The following GLIS3 variants were observed in gnomAD, a reference collection of about 807,000 sequenced individuals.
GLIS3 encodes the protein zinc finger protein GLIS3.
In GLIS3, 53 loss-of-function variants were observed where a neutral mutation model predicts 78.6. The observed-to-expected ratio is 0.67, with a 90% CI of 0.54 to 0.85. The LOEUF is 0.85. Ranked by LOEUF, GLIS3 falls within the 40% of genes least tolerant of loss-of-function variation. GLIS3 has a pLI of 0.00. For synonymous variants in GLIS3, 684 were observed against 509.9 expected (o/e 1.34, Z -4.60); for missense variants, 1,703 against 1,231.1 (o/e 1.38, Z -5.74).
At chr9:4,052,453 G>GA (rs984844337) in intron 4 of GLIS3, among the ~76,000 whole-genome samples, 1 of 152,006 alleles carries the variant, frequency 6.6e-6, no homozygotes, top group African/African-American at 2.4e-5. Flanking sequence ...TCATTACCCT[G>GA]AAAGAAAGCC....
chr9:4,279,379 A>G lies in GLIS3; in HGVS notation c.388+6659T>C, dbSNP rs184480915. 3.4e-5 allele frequency among the ~76,000 whole-genome samples: 5 copies of G among 146,074 alleles called. No homozygotes were observed. The East Asian group carries it at 5.9e-4, about 17-fold the overall frequency. On this transcript the variant is annotated intron_variant, in intron 2 of 10. Coordinates refer to ENST00000381971, the MANE Select transcript of GLIS3 (RefSeq NM_001042413.2). ...CACACACACATAATACATATTATAT[A>G]TATTTTATATTATATATATATCAGC... is the stretch of plus-strand genomic sequence containing the variant.
chr9:4,297,756 G>A (rs1483136555), intron 1 of GLIS3, among the ~76,000 whole-genome samples: 2 of 152,198 alleles, frequency 1.3e-5, no homozygotes, highest in Admixed American at 6.5e-5. Context: ...GCTCAAGGAG[G>A]CACACAGAGC....
intron 6 of GLIS3, among the ~76,000 whole-genome samples, chr9:3,926,598 T>C (rs910305489): frequency 1.3e-5 from 2 of 151,848 alleles, no homozygotes; most frequent in Non-Finnish European, 2.9e-5. Flanking sequence ...CCTCCTTTTC[T>C]TTCTCTCTCC....
rs1168906520 is a variant in GLIS3, at chr9:3,825,210, ACT to A, written c.*3060_*3061del. ...AAAGCCAACACTCTTATCAGTGGTAACTCTGCTGTGATCTACTAAAGACCTTT... is the reference window on the plus strand; with the variant it reads ...AAAGCCAACACTCTTATCAGTGGTAACTGCTGTGATCTACTAAAGACCTTT... On this transcript the variant is annotated 3_prime_UTR_variant, in exon 11 of 11. Transcript: ENST00000381971. 2 of 152,084 alleles carry A rather than the reference ACT, an allele frequency of 1.3e-5. No homozygotes were observed. The highest frequency in any genetic ancestry group is 1.3e-4 in the Admixed American group (2 of 15,264). 9.4% of individuals were successfully genotyped at this position (152,084 alleles called of 1,614,324 possible).
chr9:4,361,609 G>C, the GLIS3 span, among the ~76,000 whole-genome samples: 1 of 152,200 alleles, frequency 6.6e-6, no homozygotes, highest in Non-Finnish European at 1.5e-5. Flanking sequence ...TCCTGGAACA[G>C]AATCTAAGTA....
intron 2 of GLIS3, among the ~76,000 whole-genome samples, chr9:4,234,449 G>C (rs1043267530): frequency 6.6e-6 from 1 of 152,160 alleles, no homozygotes; most frequent in Non-Finnish European, 1.5e-5. Flanking sequence ...GGAACAGTCA[G>C]AATACACACA....
intron 9 of GLIS3, among the ~76,000 whole-genome samples, chr9:3,834,693 A>G (rs1818246420): frequency 6.6e-6 from 1 of 152,224 alleles, no homozygotes; most frequent in East Asian, 1.9e-4. Context: ...AGTATATTAG[A>G]TTTTTTAATA....
chr9:4,113,132 G>A (rs1467986241), intron 4 of GLIS3, among the ~76,000 whole-genome samples: 1 of 151,628 alleles, frequency 6.6e-6, no homozygotes, highest in South Asian at 2.1e-4. Flanking sequence ...TCACTCAACA[G>A]TGTTTTTTGA....
At chr9:4,071,556 A>G (rs952637942) in intron 4 of GLIS3, among the ~76,000 whole-genome samples, 4 of 152,204 alleles carry the variant, frequency 2.6e-5, no homozygotes, top group African/African-American at 9.6e-5. Flanking sequence ...TGGATATCAG[A>G]TTTTGAGTTT....
chr9:4,158,450 A>T (rs879186878), intron 2 of GLIS3, among the ~76,000 whole-genome samples: 1 of 152,158 alleles, frequency 6.6e-6, no homozygotes, highest in African/African-American at 2.4e-5. Context: ...GAGATTAAGA[A>T]AGAAGAGCTT....
At chr9:4,038,510 G>A (rs747075625) in intron 4 of GLIS3, among the ~76,000 whole-genome samples, 27 of 152,172 alleles carry the variant, frequency 1.8e-4, no homozygotes, top group African/African-American at 6.0e-4. Flanking sequence ...GGAGATCAAA[G>A]GTGAAATCCA....
chr9:4,045,107 A>G (rs1825136277), intron 4 of GLIS3, among the ~76,000 whole-genome samples: 1 of 152,196 alleles, frequency 6.6e-6, no homozygotes, highest in Admixed American at 6.5e-5. Context: ...CCTAGCACCT[A>G]GAGTTGCCTT....
chr9:4,443,064 A>C, the GLIS3 span, among the ~76,000 whole-genome samples: 1 of 152,116 alleles, frequency 6.6e-6, no homozygotes, highest in African/African-American at 2.4e-5. Context: ...CCAAGCATTG[A>C]TTGGTAGCAA....
chr9:4,243,797 G>T (rs943182696), intron 2 of GLIS3, among the ~76,000 whole-genome samples: 6 of 152,066 alleles, frequency 3.9e-5, no homozygotes, highest in South Asian at 2.1e-4. Flanking sequence ...AACAGCTGTC[G>T]AGTTTGTAAC....
At chr9:3,995,992 AG>A (rs1209157482) in intron 4 of GLIS3, among the ~76,000 whole-genome samples, 1 of 152,158 alleles carries the variant, frequency 6.6e-6, no homozygotes, top group Non-Finnish European at 1.5e-5. Context: ...AATAAAAACA[AG>A]TTCACTGTAG....
chr9:4,450,798 TGA>T, the GLIS3 span, among the ~76,000 whole-genome samples: 1 of 152,152 alleles, frequency 6.6e-6, no homozygotes, highest in African/African-American at 2.4e-5. Flanking sequence ...AAGCAAATGC[TGA>T]GAGATTTTGT....
chr9:4,241,597 A>C (rs1486243275), intron 2 of GLIS3, among the ~76,000 whole-genome samples: 1 of 152,216 alleles, frequency 6.6e-6, no homozygotes, highest in Non-Finnish European at 1.5e-5. Flanking sequence ...AAATATGTAC[A>C]GCTATTATCA....
chr9:4,015,948 G>A (rs1266869049), intron 4 of GLIS3, among the ~76,000 whole-genome samples: 1 of 151,314 alleles, frequency 6.6e-6, no homozygotes, highest in African/African-American at 2.4e-5. Context: ...AACCAACCTG[G>A]CCGTCATAAA....
At chr9:4,392,202 G>A in the GLIS3 span, among the ~76,000 whole-genome samples, 1 of 151,338 alleles carries the variant, frequency 6.6e-6, no homozygotes, top group Admixed American at 6.6e-5. Context: ...AGAGCACATG[G>A]ACACAGGGAG....
Sources: allele counts gnomAD v4.1 joint callset (sites outside exome capture counted in the v4.1 genomes callset), GRCh38; gene constraint gnomAD v4.1.1; transcripts MANE v1.5; gene names NCBI Gene and HGNC (gene_info 2026-07-23, HGNC 2026-07-21).